The following LHFPL3 variants were observed in gnomAD, a reference collection of about 807,000 sequenced individuals.
LHFPL3 encodes LHFPL tetraspan subfamily member 3 protein.
Under a neutral mutation model 19.3 loss-of-function variants are expected in LHFPL3, and 5 were observed. The observed-to-expected ratio is 0.26, with a 90% CI of 0.14 to 0.54. The LOEUF is 0.54. Ranked by LOEUF, LHFPL3 falls within the 20% of genes least tolerant of loss-of-function variation. The pLI is 0.94. For missense variants in LHFPL3, 249 were observed against 307.4 expected (o/e 0.81, Z 1.42); for synonymous variants, 133 against 126.2 (o/e 1.05, Z -0.36).
chr7:104,704,405 TATTC>T (rs1793151297), intron 1 of LHFPL3, among the ~76,000 whole-genome samples: 2 of 152,322 alleles, frequency 1.3e-5, no homozygotes, highest in South Asian at 4.1e-4. Flanking sequence ...GTCATATGAG[TATTC>T]ATTCAGTTTT....
intron 1 of LHFPL3, among the ~76,000 whole-genome samples, chr7:104,459,817 A>C (rs1792622563): frequency 6.6e-6 from 1 of 152,196 alleles, no homozygotes; most frequent in Non-Finnish European, 1.5e-5. Flanking sequence ...TGTTAACCTT[A>C]ATTTTAAAAA....
intron 2 of LHFPL3, among the ~76,000 whole-genome samples, chr7:104,760,333 A>C (rs1562985185): frequency 6.6e-6 from 1 of 152,238 alleles, no homozygotes; most frequent in Non-Finnish European, 1.5e-5. Context: ...GCTACCAAGT[A>C]GTATGGACTG....
intron 1 of LHFPL3, among the ~76,000 whole-genome samples, chr7:104,698,468 G>T (rs1405898683): frequency 6.6e-6 from 1 of 152,104 alleles, no homozygotes; most frequent in Non-Finnish European, 1.5e-5. Context: ...TAGGTAAGTT[G>T]GACTTCATCA....
chr7:104,847,915 A>AAAAT (rs1462715157), intron 2 of LHFPL3, among the ~76,000 whole-genome samples: 3 of 152,226 alleles, frequency 2.0e-5, no homozygotes, highest in African/African-American at 7.2e-5. Flanking sequence ...AACTTTTTCC[A>AAAAT]AAATAACACA....
At chr7:104,804,749 A>G (rs943741536) in intron 2 of LHFPL3, among the ~76,000 whole-genome samples, 1 of 152,186 alleles carries the variant, frequency 6.6e-6, no homozygotes, top group Non-Finnish European at 1.5e-5. Flanking sequence ...TTAGCTAACT[A>G]CTACATGAAA....
At chr7:104,681,681 C>A (rs905953000) in intron 1 of LHFPL3, among the ~76,000 whole-genome samples, 8 of 152,018 alleles carry the variant, frequency 5.3e-5, no homozygotes, top group African/African-American at 1.9e-4. Flanking sequence ...TTTAATCCCC[C>A]AGGGCCTTAT....
chr7:104,423,294 C>T (rs1791770689), intron 1 of LHFPL3, among the ~76,000 whole-genome samples: 1 of 152,096 alleles, frequency 6.6e-6, no homozygotes, highest in Non-Finnish European at 1.5e-5. Context: ...GGTCATCCAA[C>T]TTGGTCTGGC....
At position 104,660,734 on chromosome 7, in the gene LHFPL3, A is replaced by AT. The variant is rs376480276; in HGVS notation, c.446-75935dup. Among the ~76,000 whole-genome samples, 285 of 152,222 alleles carry AT rather than the reference A, an allele frequency of 1.9e-3. 1 individual carries two copies. The highest frequency in any genetic ancestry group is 6.1e-3 in the African/African-American group (252 of 41,534). On this transcript the variant is annotated intron_variant, in intron 1 of 2. Transcript: ENST00000424859. ...TATATTAATAGCCACATCTGCATAG[A>AT]TTTTTTCTTCTTTTGTAAACTTCCA...
At chr7:104,545,806 G>T (rs1005600032) in intron 1 of LHFPL3, among the ~76,000 whole-genome samples, 3 of 152,132 alleles carry the variant, frequency 2.0e-5, no homozygotes, top group African/African-American at 7.2e-5. Flanking sequence ...AAAAGTTGAA[G>T]AGCAAAAAAA....
At chr7:104,656,570 C>A (rs571081353) in intron 1 of LHFPL3, among the ~76,000 whole-genome samples, 1 of 152,304 alleles carries the variant, frequency 6.6e-6, no homozygotes, top group Non-Finnish European at 1.5e-5. Flanking sequence ...GGCATCTTTC[C>A]CTTTCATGCT....
At chr7:104,839,492 C>G (rs557586098) in intron 2 of LHFPL3, among the ~76,000 whole-genome samples, 132 of 151,930 alleles carry the variant, frequency 8.7e-4, no homozygotes, top group African/African-American at 3.1e-3. Flanking sequence ...TATGGCAAAA[C>G]CCCCCTCTCT....
chr7:104,356,476 T>A (rs1423002665), intron 1 of LHFPL3, among the ~76,000 whole-genome samples: 1 of 152,214 alleles, frequency 6.6e-6, no homozygotes, highest in African/African-American at 2.4e-5. Flanking sequence ...TTGTCAGAAG[T>A]AGTTTCATTT....
chr7:104,629,632 G>A (rs1425835507), intron 1 of LHFPL3, among the ~76,000 whole-genome samples: 3 of 152,196 alleles, frequency 2.0e-5, no homozygotes, highest in Non-Finnish European at 4.4e-5. Context: ...TGCAGATAGA[G>A]TGTCTGTGTT....
intron 2 of LHFPL3, among the ~76,000 whole-genome samples, chr7:104,740,370 CT>C (rs1307552235): frequency 6.6e-6 from 1 of 152,164 alleles, no homozygotes; most frequent in African/African-American, 2.4e-5. Context: ...GAATATGCCC[CT>C]AATGTGAAGT....
At chr7:104,879,512 G>C (rs1420733582) in intron 2 of LHFPL3, among the ~76,000 whole-genome samples, 1 of 152,112 alleles carries the variant, frequency 6.6e-6, no homozygotes, top group Non-Finnish European at 1.5e-5. Flanking sequence ...CTGAGGCTAG[G>C]AGTTCGAGAC....
At chr7:104,603,106 CTTTCTTTCTTTCTTTCTTTCTTTCTTTT>C (rs1791010302) in intron 1 of LHFPL3, among the ~76,000 whole-genome samples, 2 of 131,616 alleles carry the variant, frequency 1.5e-5, no homozygotes, top group Non-Finnish European at 3.2e-5. Flanking sequence ...TTCTTTCTTT[CTTTCTTTCTTTCTTTCTTTCTTTCTTTT>C]TTCCCTTCCT....
At chr7:104,729,894 A>C (rs1390858737) in intron 1 of LHFPL3, among the ~76,000 whole-genome samples, 58 of 131,524 alleles carry the variant, frequency 4.4e-4, no homozygotes, top group African/African-American at 8.2e-4. Flanking sequence ...ATCCCTCCCC[A>C]CTCCCCCCAC....
rs1792625080 is a variant in LHFPL3 at position 104,906,846 on chromosome 7, T to C, written c.*631T>C. ...AACGCTTCAAACTTTTTACCAAGTC[T>C]GTGTTCTGTTTAATCTGTCCATACA... On this transcript the variant is annotated 3_prime_UTR_variant, in exon 3 of 3. Transcript: ENST00000424859. 1 of 152,776 alleles carries C rather than the reference T, an allele frequency of 6.5e-6. No individual in the cohort carries two copies. The highest frequency in any genetic ancestry group is 1.5e-5 in the Non-Finnish European group (1 of 68,134). 9.5% of individuals were successfully genotyped at this position (152,776 alleles called of 1,614,324 possible). A position where few individuals can be genotyped will look rare whatever the true frequency, so the allele number is the denominator to read the frequency against.
chr7:104,422,390 T>A (rs1791751339), intron 1 of LHFPL3, among the ~76,000 whole-genome samples: 1 of 133,392 alleles, frequency 7.5e-6, no homozygotes, highest in African/African-American at 3.3e-5. Flanking sequence ...CAAGAACAAA[T>A]ATTTCAGTTG....
Sources: allele counts gnomAD v4.1 joint callset (sites outside exome capture counted in the v4.1 genomes callset), GRCh38; gene constraint gnomAD v4.1.1; transcripts MANE v1.5; gene names NCBI Gene and HGNC (gene_info 2026-07-23, HGNC 2026-07-21).